GLYR1: variants seen among roughly 807,000 people sequenced by gnomAD.
GLYR1 encodes cytokine-like nuclear factor N-PAC.
In GLYR1, 21 loss-of-function variants were observed where a neutral mutation model predicts 72.7. The ratio of observed to expected loss-of-function variants is 0.29; its 90% CI spans 0.20 to 0.42. The LOEUF (loss-of-function observed/expected upper bound fraction) is 0.42, where lower values mean the gene tolerates loss of function less well. Ranked by LOEUF, GLYR1 falls within the 10% of genes least tolerant of loss-of-function variation. The pLI is 1.00. For missense variants in GLYR1, 594 were observed against 712.1 expected (o/e 0.83, Z 1.89); for synonymous variants, 392 against 270.2 (o/e 1.45, Z -4.42).
At chr16:4,826,174 G>A (rs964640057) in intron 5 of GLYR1, among the ~76,000 whole-genome samples, 1 of 151,864 alleles carries the variant, frequency 6.6e-6, no homozygotes, top group African/African-American at 2.4e-5. Flanking sequence ...CAGCCTCCTG[G>A]GTAGCTGGGA....
intron 10 of GLYR1, among the ~76,000 whole-genome samples, chr16:4,815,833 G>C (rs1190964917): frequency 6.6e-6 from 1 of 151,936 alleles, no homozygotes; most frequent in East Asian, 1.9e-4. Flanking sequence ...CCAGGATGGA[G>C]TGCAGTGGCA....
intron 15 of GLYR1, among the ~76,000 whole-genome samples, chr16:4,806,866 ATC>A (rs2083013731): frequency 6.8e-6 from 1 of 146,238 alleles, no homozygotes; most frequent in Non-Finnish European, 1.5e-5. Context: ...CAGTGGTGTG[ATC>A]TCGGCTCACT....
rs2083002247 is a variant in GLYR1, at chr16:4,806,755, A to G, written c.1588-1445T>C. 2.6e-5 allele frequency among the ~76,000 whole-genome samples: 4 copies of G among 152,200 alleles called. No homozygotes were observed. In the South Asian group the frequency reaches 8.3e-4, roughly 32 times the overall value. ...AGAGTAACCACTAAAAAAAGAATGC[A>G]GAGGCAAAGTAAAAAAGAAAATAGA... On this transcript the variant is annotated intron_variant, in intron 15 of 15. Transcript: ENST00000321919.
chr16:4,840,555 T>A (rs1294906800), intron 3 of GLYR1, among the ~76,000 whole-genome samples: 7 of 152,072 alleles, frequency 4.6e-5, no homozygotes, highest in Non-Finnish European at 8.8e-5. Flanking sequence ...ACACTCTCTC[T>A]CTCTCCCATA....
intron 13 of GLYR1, 103 bp from the exon 14 acceptor site, chr16:4,811,905 C>T (rs559749728): frequency 7.0e-7 from 1 of 1,426,024 alleles, no homozygotes; most frequent in South Asian, 1.4e-5. Context: ...CCAGGGGAGG[C>T]CCCCTTCACC....
chr16:4,820,231 C>T (rs1003582380), intron 9 of GLYR1, among the ~76,000 whole-genome samples: 12 of 152,154 alleles, frequency 7.9e-5, no homozygotes, highest in South Asian at 2.1e-4. Flanking sequence ...TCAGGTAATC[C>T]GCCCACCTTG....
intron 3 of GLYR1, among the ~76,000 whole-genome samples, chr16:4,842,492 C>G (rs1042039304): frequency 6.6e-6 from 1 of 151,400 alleles, no homozygotes; most frequent in Non-Finnish European, 1.5e-5. Flanking sequence ...TGGGACTACA[C>G]TTGTGTGCCA....
chr16:4,818,323 C>T (rs2083785368), intron 9 of GLYR1, among the ~76,000 whole-genome samples: 1 of 152,074 alleles, frequency 6.6e-6, no homozygotes, highest in African/African-American at 2.4e-5. Context: ...GAGATAGTGT[C>T]TTGTTCTGTT....
rs760956846 is a variant in GLYR1 at position 4,845,193 on chromosome 16, C to A, written c.76-40G>T. On this transcript the variant is annotated intron_variant, in intron 2 of 15. Coordinates refer to ENST00000321919, the MANE Select transcript of GLYR1 (RefSeq NM_032569.4). The stretch of plus-strand genomic sequence containing the variant: ...GGGGGAAAAAGGTTGGCTGGCAACA[C>A]AGCAGCCCACTTTCTAGTGGCTCCA... 48 of 1,437,500 alleles carry A rather than the reference C, an allele frequency of 3.3e-5. No individual in the cohort carries two copies. In the Middle Eastern group the frequency reaches 5.3e-4, roughly 16 times the overall value. The allele number at this position is 1,437,500 out of a possible 1,614,324, so 89.0% of individuals were successfully genotyped here.
chr16:4,810,010 T>C (rs554661426), intron 15 of GLYR1, among the ~76,000 whole-genome samples: 3 of 152,138 alleles, frequency 2.0e-5, no homozygotes, highest in African/African-American at 7.2e-5. Context: ...AGCAGTAAGT[T>C]AAAAATCAAT....
chr16:4,846,874 T>C (rs2142072531), intron 1 of GLYR1: 2 of 332,462 alleles, frequency 6.0e-6, no homozygotes, highest in South Asian at 3.7e-5. Context: ...TCCCCGGCGC[T>C]TCTGCTTTCT....
chr16:4,846,133 A>T (rs1331117508), intron 2 of GLYR1, 41 bp downstream of exon 2: 3 of 1,610,682 alleles, frequency 1.9e-6, no homozygotes, highest in Non-Finnish European at 2.5e-6. Flanking sequence ...ACCTCTTCAA[A>T]CCCAACTTCA....
chr16:4,825,015 C>A (rs2084290958), intron 5 of GLYR1, among the ~76,000 whole-genome samples: 1 of 152,122 alleles, frequency 6.6e-6, no homozygotes, highest in Non-Finnish European at 1.5e-5. Context: ...GCGATCTGCC[C>A]AACCCCTTCT....
At position 4,811,681 on chromosome 16, in the gene GLYR1, G is replaced by C. The variant is rs575388850; in HGVS notation, c.1404C>G (p.Leu468=). The part of the protein sequence containing the change: ...AQVTGQSQQT[L]LDILNQGQLA... ...ACTGTCCCTGATTGAGGATGTCCAA[G>C]AGTGTCTGCTGGGACTGGCCTGTCA... Residue 468 remains leucine, a synonymous_variant, in exon 14 of 16, where the codon CTC becomes CTG. Transcript: ENST00000321919. 3 of 1,614,246 alleles carry C rather than the reference G, an allele frequency of 1.9e-6. No homozygotes were observed. In the South Asian group the frequency reaches 3.3e-5, roughly 18 times the overall value.
At chr16:4,846,461 G>A (rs979925626) in intron 1 of GLYR1, among the ~76,000 whole-genome samples, 1 of 152,220 alleles carries the variant, frequency 6.6e-6, no homozygotes, top group African/African-American at 2.4e-5. Context: ...CACTTGTCTA[G>A]AGCTTCTTAA....
intron 10 of GLYR1, among the ~76,000 whole-genome samples, chr16:4,815,173 A>G (rs2083560293): frequency 6.6e-6 from 1 of 151,376 alleles, no homozygotes; most frequent in African/African-American, 2.4e-5. Flanking sequence ...TGGTGCAATC[A>G]TGGCTCACTG....
intron 5 of GLYR1, among the ~76,000 whole-genome samples, chr16:4,826,692 C>T (rs1567736381): frequency 6.6e-6 from 1 of 152,228 alleles, no homozygotes; most frequent in African/African-American, 2.4e-5. Flanking sequence ...GCGTGTACTC[C>T]ATCTGCACTG....
intron 11 of GLYR1, 81 bp from the exon 12 acceptor site, chr16:4,813,919 C>A: frequency 9.3e-7 from 1 of 1,079,708 alleles, no homozygotes; most frequent in Non-Finnish European, 1.3e-6. Flanking sequence ...GATCAGAATC[C>A]TGCTGCTGTT....
chr16:4,847,189 C>T (rs1007008065), intron 1 of GLYR1, 39 bp downstream of exon 1: 2 of 1,575,632 alleles, frequency 1.3e-6, no homozygotes, highest in Admixed American at 1.7e-5. Flanking sequence ...GCGGGTAGCT[C>T]CCCGGCGCGT....
Sources: gnomAD v4.1 joint callset for allele counts (sites outside exome capture counted in the v4.1 genomes callset) on GRCh38, gnomAD v4.1.1 for gene constraint, MANE v1.5 for transcripts, NCBI Gene and HGNC (gene_info 2026-07-23, HGNC 2026-07-21) for gene names.